The following NOX4 variants were observed in gnomAD, a reference collection of about 807,000 sequenced individuals.
NOX4 encodes NADPH oxidase 4.
NOX4 carries 69 observed loss-of-function variants against 87.6 expected under a neutral mutation model. That is an observed-to-expected ratio of 0.79 (90% CI 0.65 to 0.96). The LOEUF (loss-of-function observed/expected upper bound fraction) is 0.96, where lower values mean the gene tolerates loss of function less well. NOX4 is among the 40% of genes least tolerant of loss of function. The pLI is 0.00. For synonymous variants in NOX4, 275 were observed against 238.2 expected (o/e 1.15, Z -1.42); for missense variants, 680 against 681.5 (o/e 1.00, Z 0.02).
chr11:89,499,546 A>G (rs1167230032), upstream of NOX4, among the ~76,000 whole-genome samples: 1 of 152,164 alleles, frequency 6.6e-6, no homozygotes, highest in Non-Finnish European at 1.5e-5. Flanking sequence ...TTCCTCAACA[A>G]TCTGGCATGA....
chr11:89,467,808 T>C (rs574558807), intron 2 of NOX4, among the ~76,000 whole-genome samples: 1 of 152,288 alleles, frequency 6.6e-6, no homozygotes, highest in African/African-American at 2.4e-5. Context: ...GGAAGTGGCA[T>C]GAAGAGATTA....
At chr11:89,529,993 T>C in the NOX4 span, among the ~76,000 whole-genome samples, 2 of 152,072 alleles carry the variant, frequency 1.3e-5, no homozygotes, top group Admixed American at 6.5e-5. Context: ...TAATGGCAAA[T>C]ATCAGTTTTT....
chr11:89,424,127 C>A (rs1943242114), intron 7 of NOX4, among the ~76,000 whole-genome samples: 1 of 151,662 alleles, frequency 6.6e-6, no homozygotes, highest in African/African-American at 2.4e-5. Context: ...AGTACACAGT[C>A]TTTATTCAAA....
At chr11:89,337,695 C>T (rs568411763) in intron 15 of NOX4, among the ~76,000 whole-genome samples, 180 bp from the exon 16 acceptor site, 19 of 152,056 alleles carry the variant, frequency 1.2e-4, no homozygotes, top group Admixed American at 5.3e-4. Context: ...CAGATTCTAA[C>T]GTTAATAATC....
the NOX4 span, among the ~76,000 whole-genome samples, chr11:89,568,157 A>C: frequency 6.6e-6 from 1 of 152,172 alleles, no homozygotes; most frequent in Admixed American, 6.6e-5. Flanking sequence ...CCCCCGTGAA[A>C]TCATCCAGAA....
intron 11 of NOX4, among the ~76,000 whole-genome samples, chr11:89,385,441 C>T (rs1565222641): frequency 6.6e-6 from 1 of 152,144 alleles, no homozygotes; most frequent in Non-Finnish European, 1.5e-5. Context: ...CCCACCTACT[C>T]CCCCACTGAA....
chr11:89,553,273 G>A, the NOX4 span, among the ~76,000 whole-genome samples: 84 of 152,252 alleles, frequency 5.5e-4, no homozygotes, highest in South Asian at 0.015. Context: ...GGATCGTGGG[G>A]ACAGTTTCCC....
chr11:89,360,671 A>G (rs1308081605), intron 12 of NOX4, among the ~76,000 whole-genome samples: 2 of 152,110 alleles, frequency 1.3e-5, no homozygotes, highest in African/African-American at 2.4e-5. Context: ...AGTTGCTTAA[A>G]AAATATTTGC....
At chr11:89,573,032 C>T in the NOX4 span, among the ~76,000 whole-genome samples, 1 of 152,008 alleles carries the variant, frequency 6.6e-6, no homozygotes, top group Admixed American at 6.6e-5. Flanking sequence ...TCCTGAGAAA[C>T]ATGTACTAGA....
At chr11:89,395,721 C>T (rs1482478735) in intron 11 of NOX4, among the ~76,000 whole-genome samples, 3 of 152,022 alleles carry the variant, frequency 2.0e-5, no homozygotes, top group South Asian at 2.1e-4. Flanking sequence ...TTTCTACATA[C>T]AACTAGCCAA....
At chr11:89,373,282 AAAAAAAAAAAAAAAAAC>A (rs1439147123) in intron 12 of NOX4, 133 bp downstream of exon 12, 2 of 399,442 alleles carry the variant, frequency 5.0e-6, no homozygotes, top group Admixed American at 8.6e-5. Context: ...ACAAGCAAAA[AAAAAAAAAAAAAAAAAC>A]AAAAAAAAAC....
At chr11:89,485,453 T>C (rs529002431) in intron 2 of NOX4, among the ~76,000 whole-genome samples, 6 of 152,020 alleles carry the variant, frequency 3.9e-5, no homozygotes, top group Non-Finnish European at 8.8e-5. Flanking sequence ...ATAAAATCAT[T>C]CTCTTTTCAA....
At chr11:89,450,837 A>G (rs1944925475) in intron 3 of NOX4, among the ~76,000 whole-genome samples, 1 of 151,604 alleles carries the variant, frequency 6.6e-6, no homozygotes, top group Admixed American at 6.6e-5. Flanking sequence ...ACAATGATAG[A>G]CTGGATTAAG....
chr11:89,404,975 C>G (rs1157461191), intron 8 of NOX4, among the ~76,000 whole-genome samples: 1 of 151,962 alleles, frequency 6.6e-6, no homozygotes, highest in Non-Finnish European at 1.5e-5. Context: ...GCATAGGGTT[C>G]AGAAACCTAC....
At chr11:89,554,804 G>A in the NOX4 span, among the ~76,000 whole-genome samples, 28 of 152,124 alleles carry the variant, frequency 1.8e-4, no homozygotes, top group African/African-American at 4.8e-4. Flanking sequence ...TATTTTTAGA[G>A]GGCTGTAATT....
intron 2 of NOX4, among the ~76,000 whole-genome samples, chr11:89,458,152 C>T (rs1046900846): frequency 9.2e-5 from 14 of 152,270 alleles, no homozygotes; most frequent in African/African-American, 2.6e-4. Context: ...TACCTGACTT[C>T]GAATTATACT....
In NOX4 at chr11:89,449,542, A is replaced by G. The variant is rs770515037; in HGVS notation, c.265-18T>C. The G allele has an allele frequency of 3.2e-6, 5 of 1,580,648 alleles. No homozygotes were observed. In the African/African-American group the frequency reaches 6.7e-5, roughly 21 times the overall value. On this transcript the variant is annotated intron_variant, in intron 3 of 17. Transcript: ENST00000263317. ...CTTGGAACCTAAACAAAAATCATTTAATATGGTAAAAATAATGCAACAAAT... is the reference window on the plus strand; with the variant it reads ...CTTGGAACCTAAACAAAAATCATTTGATATGGTAAAAATAATGCAACAAAT...
At chr11:89,346,691 C>T (rs1946229294) in intron 13 of NOX4, among the ~76,000 whole-genome samples, 1 of 152,116 alleles carries the variant, frequency 6.6e-6, no homozygotes, top group African/African-American at 2.4e-5. Context: ...TGGCCCTATC[C>T]TTCAACCAAT....
chr11:89,357,162 A>G (rs1938128120), intron 12 of NOX4, among the ~76,000 whole-genome samples: 1 of 152,172 alleles, frequency 6.6e-6, no homozygotes, highest in South Asian at 2.1e-4. Flanking sequence ...TGTATATTTT[A>G]TCTTCATATT....
Sources: gnomAD v4.1 joint callset for allele counts (sites outside exome capture counted in the v4.1 genomes callset) on GRCh38, gnomAD v4.1.1 for gene constraint, MANE v1.5 for transcripts, NCBI Gene and HGNC (gene_info 2026-07-23, HGNC 2026-07-21) for gene names.